Variants in SREBF2 observed in about 807,000 individuals in gnomAD.
The protein encoded by SREBF2 is sterol regulatory element-binding protein 2.
Under a neutral mutation model 113.1 loss-of-function variants are expected in SREBF2, and 55 were observed. That is an observed-to-expected ratio of 0.49 (90% CI 0.39 to 0.61). The LOEUF (loss-of-function observed/expected upper bound fraction) is 0.61. Ranked by LOEUF, SREBF2 falls within the 20% of genes least tolerant of loss-of-function variation. The probability of loss-of-function intolerance (pLI) is 0.00; values close to 1 mark genes in which losing one functional copy is unlikely to be tolerated. For missense variants in SREBF2, 1,349 were observed against 1,487.4 expected (o/e 0.91, Z 1.53); for synonymous variants, 593 against 605.7 (o/e 0.98, Z 0.31).
At chr22:41,893,342 T>C in intron 12 of SREBF2, 57 bp downstream of exon 12, 2 of 1,585,644 alleles carry the variant, frequency 1.3e-6, no homozygotes, top group Non-Finnish European at 1.7e-6. Flanking sequence ...CCGCCGGTAC[T>C]ACAGAGTCAC....
At chr22:41,837,556 T>TA (rs764852977) in intron 1 of SREBF2, among the ~76,000 whole-genome samples, 2,186 of 75,372 alleles carry the variant, frequency 0.029, 126 homozygotes, top group African/African-American at 0.066. Context: ...AGACTCTGTC[T>TA]AAAAAAAAAA....
At chr22:41,882,058 A>G (rs546392168) in intron 10 of SREBF2, among the ~76,000 whole-genome samples, 1 of 152,194 alleles carries the variant, frequency 6.6e-6, no homozygotes, top group Non-Finnish European at 1.5e-5. Flanking sequence ...AAAAGTTTAG[A>G]AGATTCACTC....
chr22:41,891,448 G>C (rs1409730961), intron 11 of SREBF2: 1 of 152,184 alleles, frequency 6.6e-6, no homozygotes, highest in East Asian at 1.9e-4. Context: ...GAGATTATGA[G>C]TATGTGTCTA....
chr22:41,892,515 G>A (rs1054890033), intron 11 of SREBF2, among the ~76,000 whole-genome samples: 37 of 151,856 alleles, frequency 2.4e-4, no homozygotes, highest in Non-Finnish European at 4.7e-4. Flanking sequence ...GGGCATGGTG[G>A]CGCGCGCCTG....
intron 1 of SREBF2, among the ~76,000 whole-genome samples, chr22:41,852,765 A>G (rs1378830223): frequency 2.3e-5 from 1 of 42,708 alleles, no homozygotes; most frequent in African/African-American, 8.6e-5. Flanking sequence ...TTTTTGTGGT[A>G]GATGGAGTTT....
At chr22:41,846,273 C>A (rs896720082) in intron 1 of SREBF2, among the ~76,000 whole-genome samples, 2 of 152,164 alleles carry the variant, frequency 1.3e-5, no homozygotes, top group African/African-American at 4.8e-5. Flanking sequence ...AGCTGGAGAG[C>A]CAATTTGGAA....
chr22:41,900,524 G>T (rs767445203), intron 16 of SREBF2, 26 bp downstream of exon 16: 6 of 1,609,146 alleles, frequency 3.7e-6, no homozygotes, highest in Middle Eastern at 1.9e-4. Flanking sequence ...GTTGGCCCCT[G>T]GGGGAGGTGC....
At chr22:41,835,546 G>C (rs1334557492) in intron 1 of SREBF2, among the ~76,000 whole-genome samples, 1 of 151,988 alleles carries the variant, frequency 6.6e-6, no homozygotes, top group East Asian at 1.9e-4. Flanking sequence ...CCAACCTCAG[G>C]TGATCCGCCC....
intron 10 of SREBF2, among the ~76,000 whole-genome samples, chr22:41,884,223 C>T (rs1220427090): frequency 3.9e-5 from 6 of 152,192 alleles, no homozygotes; most frequent in Non-Finnish European, 2.9e-5. Context: ...GCAACCTCCG[C>T]ATCGCAGGCT....
intron 1 of SREBF2, among the ~76,000 whole-genome samples, chr22:41,848,511 T>A (rs1274433398): frequency 6.6e-6 from 1 of 151,814 alleles, no homozygotes; most frequent in Non-Finnish European, 1.5e-5. Context: ...AGGATTGGAG[T>A]CCCTGGCTGC....
intron 1 of SREBF2, among the ~76,000 whole-genome samples, chr22:41,855,831 A>C (rs2076972260): frequency 1.3e-5 from 2 of 149,624 alleles, no homozygotes; most frequent in Admixed American, 6.7e-5. Flanking sequence ...GTCGTGGCTC[A>C]CTGCAGCCTT....
chr22:41,840,058 C>T (rs2076814522), intron 1 of SREBF2, among the ~76,000 whole-genome samples: 1 of 145,654 alleles, frequency 6.9e-6, no homozygotes, highest in South Asian at 2.2e-4. Flanking sequence ...CTCCTGGGTT[C>T]AGGCAGTTCT....
chr22:41,885,588 C>G (rs1602330347), intron 11 of SREBF2: 1 of 163,764 alleles, frequency 6.1e-6, no homozygotes, highest in African/African-American at 2.4e-5. Flanking sequence ...TCAAGCACCT[C>G]CCATATGCCT....
chr22:41,856,866 G>T (rs1402006722), intron 1 of SREBF2, among the ~76,000 whole-genome samples: 1 of 152,112 alleles, frequency 6.6e-6, no homozygotes, highest in Non-Finnish European at 1.5e-5. Context: ...CCTAAGGTCA[G>T]GAGTTCAAGA....
chr22:41,846,887 G>T (rs149989444), intron 1 of SREBF2, among the ~76,000 whole-genome samples: 1 of 152,274 alleles, frequency 6.6e-6, no homozygotes, highest in Admixed American at 6.5e-5. Flanking sequence ...TATGGAGTTG[G>T]TTAGGTTTCT....
chr22:41,860,921 A>G (rs2077020767), intron 1 of SREBF2, among the ~76,000 whole-genome samples: 1 of 152,176 alleles, frequency 6.6e-6, no homozygotes, highest in Non-Finnish European at 1.5e-5. Flanking sequence ...AATTTAAAGC[A>G]ATTTTTCATC....
At chr22:41,873,525 A>G (rs563547380) in intron 4 of SREBF2, among the ~76,000 whole-genome samples, 5 of 152,268 alleles carry the variant, frequency 3.3e-5, no homozygotes, top group East Asian at 1.9e-4. Context: ...TGTTTCTGGC[A>G]TACGTAGATC....
intron 1 of SREBF2, among the ~76,000 whole-genome samples, chr22:41,864,261 T>TATATATATATAC (rs1204150898): frequency 5.9e-5 from 3 of 51,010 alleles, no homozygotes; most frequent in Admixed American, 3.3e-4. Context: ...TATATATATA[T>TATATATATATAC]ACACACACAC....
At chr22:41,848,655 C>A (rs1569373382) in intron 1 of SREBF2, among the ~76,000 whole-genome samples, 1 of 152,080 alleles carries the variant, frequency 6.6e-6, no homozygotes, top group Non-Finnish European at 1.5e-5. Context: ...GTTGGGGCAA[C>A]TTGTGGAGCA....
Sources: allele counts gnomAD v4.1 joint callset (sites outside exome capture counted in the v4.1 genomes callset), GRCh38; gene constraint gnomAD v4.1.1; transcripts MANE v1.5; gene names NCBI Gene and HGNC (gene_info 2026-07-23, HGNC 2026-07-21).